The following TBCA variants were observed in gnomAD, a reference collection of about 807,000 sequenced individuals.
TBCA encodes tubulin folding cofactor A, also known as tubulin-specific chaperone A.
Under a neutral mutation model 15.8 loss-of-function variants are expected in TBCA, and 6 were observed. The observed-to-expected ratio is 0.38, with a 90% CI of 0.21 to 0.75. The LOEUF (loss-of-function observed/expected upper bound fraction) is 0.75. Ranked by LOEUF, TBCA falls within the 30% of genes least tolerant of loss-of-function variation. The pLI is 0.46. For synonymous variants in TBCA, 32 were observed against 42.3 expected (o/e 0.76, Z 0.94); for missense variants, 90 against 131.2 (o/e 0.69, Z 1.53).
intron 1 of TBCA, among the ~76,000 whole-genome samples, chr5:77,762,918 T>G (rs166214): frequency 0.23 from 34,734 of 152,136 alleles, 4,685 homozygotes; most frequent in Non-Finnish European, 0.31. Context: ...CCTCTTTTTT[T>G]CTTTTGCTAT....
intron 1 of TBCA, chr5:77,715,149 T>C: frequency 1.5e-6 from 1 of 666,654 alleles, no homozygotes; most frequent in Non-Finnish European, 2.7e-6. Flanking sequence ...TGTAAATAAC[T>C]GATGAAAGAA....
chr5:77,704,388 CTG>C (rs1746095449), intron 2 of TBCA, among the ~76,000 whole-genome samples: 1 of 152,194 alleles, frequency 6.6e-6, no homozygotes, highest in Non-Finnish European at 1.5e-5. Flanking sequence ...AGCACCTTAA[CTG>C]TGTGCTTAAA....
At chr5:77,745,233 T>A (rs373238300) in intron 1 of TBCA, among the ~76,000 whole-genome samples, 3 of 152,264 alleles carry the variant, frequency 2.0e-5, no homozygotes, top group East Asian at 3.9e-4. Context: ...ACATTAGTAT[T>A]CAATAAAACA....
intron 1 of TBCA, among the ~76,000 whole-genome samples, chr5:77,765,211 T>C (rs533251231): frequency 1.2e-3 from 190 of 152,276 alleles, no homozygotes; most frequent in African/African-American, 4.4e-3. Flanking sequence ...AAACATCACA[T>C]AGCCCCTGAA....
intron 2 of TBCA, among the ~76,000 whole-genome samples, chr5:77,703,731 C>G (rs1367913113): frequency 2.6e-5 from 4 of 152,066 alleles, no homozygotes; most frequent in African/African-American, 7.2e-5. Context: ...GTGCACACCA[C>G]CACACCCAGC....
At chr5:77,757,782 C>T (rs968373580) in intron 1 of TBCA, among the ~76,000 whole-genome samples, 12 of 152,304 alleles carry the variant, frequency 7.9e-5, no homozygotes, top group Middle Eastern at 3.4e-3. Context: ...AGGATGTGCC[C>T]GTGACATAGC....
chr5:77,769,517 T>C (rs1215974516), intron 1 of TBCA, among the ~76,000 whole-genome samples: 1 of 152,178 alleles, frequency 6.6e-6, no homozygotes, highest in Non-Finnish European at 1.5e-5. Context: ...CAGTATAATA[T>C]ATATTGAACT....
chr5:77,757,698 T>C (rs1029352054), intron 1 of TBCA, among the ~76,000 whole-genome samples: 21 of 152,188 alleles, frequency 1.4e-4, no homozygotes, highest in African/African-American at 5.1e-4. Flanking sequence ...ATCCCTCCCG[T>C]GGTTACCAAA....
At chr5:77,691,762 G>A in intron 3 of TBCA, 6 of 1,084,754 alleles carry the variant, frequency 5.5e-6, no homozygotes, top group Non-Finnish European at 6.7e-6. Context: ...AAAGCTACCA[G>A]CATTAATTAA....
chr5:77,713,114 C>T (rs1478531076), intron 1 of TBCA, among the ~76,000 whole-genome samples: 2 of 151,922 alleles, frequency 1.3e-5, no homozygotes, highest in East Asian at 1.9e-4. Context: ...GGCAACACGG[C>T]GAGATTTTGT....
At chr5:77,764,837 T>C (rs181600888) in intron 1 of TBCA, among the ~76,000 whole-genome samples, 146 of 152,262 alleles carry the variant, frequency 9.6e-4, no homozygotes, top group African/African-American at 3.3e-3. Flanking sequence ...GCCATCCCAA[T>C]ATAAATTCTC....
intron 1 of TBCA, among the ~76,000 whole-genome samples, chr5:77,724,529 T>G (rs569167140): frequency 2.0e-5 from 3 of 152,184 alleles, no homozygotes; most frequent in East Asian, 3.9e-4. Context: ...CTACAGGGAA[T>G]CAAGTACTTT....
At chr5:77,731,779 T>C (rs1283179631) in intron 1 of TBCA, among the ~76,000 whole-genome samples, 1 of 152,208 alleles carries the variant, frequency 6.6e-6, no homozygotes, top group African/African-American at 2.4e-5. Flanking sequence ...ATCTTTTCTT[T>C]ATGGCATCCA....
intron 1 of TBCA, among the ~76,000 whole-genome samples, chr5:77,750,101 G>A (rs1580126604): frequency 1.3e-5 from 2 of 151,428 alleles, no homozygotes; most frequent in South Asian, 2.1e-4. Flanking sequence ...CTGTTTCACC[G>A]TATACCTCTT....
intron 1 of TBCA, among the ~76,000 whole-genome samples, chr5:77,750,736 G>A (rs1248930193): frequency 5.2e-5 from 6 of 114,430 alleles, no homozygotes; most frequent in East Asian, 5.2e-4. Context: ...GATTAAAGAC[G>A]CACCAGTGAA....
intron 1 of TBCA, among the ~76,000 whole-genome samples, chr5:77,769,259 T>G (rs942625434): frequency 6.6e-6 from 1 of 152,110 alleles, no homozygotes; most frequent in African/African-American, 2.4e-5. Context: ...AATTTCAAAG[T>G]AGGAAGGTAG....
chr5:77,705,031 T>C (rs1158878618), intron 2 of TBCA, among the ~76,000 whole-genome samples: 1 of 152,294 alleles, frequency 6.6e-6, no homozygotes. Context: ...ATGTAACTAG[T>C]GTGTGGCTGG....
chr5:77,735,380 G>A (rs1051752428), intron 1 of TBCA, among the ~76,000 whole-genome samples: 14 of 151,590 alleles, frequency 9.2e-5, no homozygotes, highest in Non-Finnish European at 2.1e-4. Context: ...GACATGCCTC[G>A]TCACTCTAGC....
intron 1 of TBCA, among the ~76,000 whole-genome samples, chr5:77,715,545 G>T (rs1199939963): frequency 6.6e-6 from 1 of 151,968 alleles, no homozygotes; most frequent in Non-Finnish European, 1.5e-5. Context: ...GAAACTCCAG[G>T]AACCTCATCC....
Sources: gnomAD v4.1 joint callset for allele counts (sites outside exome capture counted in the v4.1 genomes callset) on GRCh38, gnomAD v4.1.1 for gene constraint, MANE v1.5 for transcripts, NCBI Gene and HGNC (gene_info 2026-07-23, HGNC 2026-07-21) for gene names.